OXSR1: variants seen among roughly 807,000 people sequenced by gnomAD.
The protein encoded by OXSR1 is serine/threonine-protein kinase OSR1.
A neutral mutation model predicts 79.8 loss-of-function variants in OXSR1; 24 were observed. The ratio of observed to expected loss-of-function variants is 0.30; its 90% CI spans 0.22 to 0.42. The LOEUF is 0.42. Ranked by LOEUF, OXSR1 falls within the 10% of genes least tolerant of loss-of-function variation. The pLI is 1.00. For missense variants in OXSR1, 430 were observed against 618.4 expected (o/e 0.70, Z 3.23); for synonymous variants, 226 against 209.2 (o/e 1.08, Z -0.69).
At chr3:38,169,762 A>G (rs1320030194) in intron 1 of OXSR1, among the ~76,000 whole-genome samples, 2 of 150,130 alleles carry the variant, frequency 1.3e-5, no homozygotes, top group Non-Finnish European at 3.0e-5. Flanking sequence ...TTTTTGAGAC[A>G]GTCTTACTCT....
At chr3:38,210,182 T>A (rs183311793) in intron 4 of OXSR1, among the ~76,000 whole-genome samples, 1 of 152,194 alleles carries the variant, frequency 6.6e-6, no homozygotes, top group Admixed American at 6.5e-5. Context: ...TCCTCTGACA[T>A]CTATCAATAT....
chr3:38,230,265 C>T, intron 9 of OXSR1, 100 bp from the exon 10 acceptor site: 1 of 749,096 alleles, frequency 1.3e-6, no homozygotes, highest in South Asian at 1.5e-5. Flanking sequence ...CATTACAGAA[C>T]AGTTACTATA....
intron 17 of OXSR1, among the ~76,000 whole-genome samples, 172 bp from the exon 18 acceptor site, chr3:38,252,645 T>G (rs1390841255): frequency 6.6e-6 from 1 of 152,172 alleles, no homozygotes; most frequent in Admixed American, 6.5e-5. Flanking sequence ...TGACTCTAGC[T>G]GTTTACCCAG....
At chr3:38,218,891 G>T (rs998774508) in intron 5 of OXSR1, among the ~76,000 whole-genome samples, 1 of 152,060 alleles carries the variant, frequency 6.6e-6, no homozygotes, top group Non-Finnish European at 1.5e-5. Flanking sequence ...TGCACAAAGG[G>T]GGGGACCTTG....
intron 1 of OXSR1, among the ~76,000 whole-genome samples, chr3:38,177,641 G>A (rs1701698653): frequency 6.6e-6 from 1 of 152,020 alleles, no homozygotes; most frequent in Non-Finnish European, 1.5e-5. Flanking sequence ...CTGGAGTGCA[G>A]TGGTGTGAAC....
At chr3:38,180,525 CTTTTTTT>C (rs35081111) in intron 1 of OXSR1, among the ~76,000 whole-genome samples, 58 of 108,960 alleles carry the variant, frequency 5.3e-4, no homozygotes, top group Middle Eastern at 6.8e-3. Flanking sequence ...ATAGCTCCAA[CTTTTTTT>C]TTTTTTTTTT....
At chr3:38,207,303 A>G (rs1383972590) in intron 4 of OXSR1, among the ~76,000 whole-genome samples, 2 of 152,238 alleles carry the variant, frequency 1.3e-5, no homozygotes, top group Non-Finnish European at 2.9e-5. Flanking sequence ...TCTTTCACAT[A>G]ATAGTCTGGG....
At chr3:38,183,786 A>G (rs908008828) in intron 2 of OXSR1, among the ~76,000 whole-genome samples, 5 of 152,234 alleles carry the variant, frequency 3.3e-5, no homozygotes, top group East Asian at 1.9e-4. Context: ...AAATGTAACC[A>G]TACAGGGATT....
chr3:38,212,924 C>G (rs1023663143), intron 4 of OXSR1, among the ~76,000 whole-genome samples: 1 of 152,134 alleles, frequency 6.6e-6, no homozygotes, highest in South Asian at 2.1e-4. Context: ...TGAGGGCAGA[C>G]TGTGGTGTTT....
intron 2 of OXSR1, among the ~76,000 whole-genome samples, chr3:38,188,455 A>G (rs2125812662): frequency 6.6e-6 from 1 of 152,306 alleles, no homozygotes; most frequent in East Asian, 1.9e-4. Flanking sequence ...GCTAATATTA[A>G]TATAACTGTA....
At chr3:38,166,367 T>G (rs1193639730) in intron 1 of OXSR1, among the ~76,000 whole-genome samples, 1 of 152,070 alleles carries the variant, frequency 6.6e-6, no homozygotes, top group Non-Finnish European at 1.5e-5. Context: ...TTTTCCTCCA[T>G]CCGTGCTGGG....
Position 38,254,056 on chromosome 3 carries a change from A to G in OXSR1, c.*1165A>G. 3 of 397,248 alleles carry G rather than the reference A, an allele frequency of 7.6e-6. No homozygotes were observed. The highest frequency in any genetic ancestry group is 8.9e-6 in the Non-Finnish European group (2 of 225,334). The allele number at this position is 397,248 out of a possible 1,614,324, so 24.6% of individuals were successfully genotyped here. ...AGAGCACTCATAATGCAATATGTGA[A>G]TAATCAGTGAGGTTGATTTTTCTTT... On this transcript the variant is annotated 3_prime_UTR_variant, in exon 18 of 18. Transcript: ENST00000311806.
At chr3:38,173,634 G>A (rs1406245372) in intron 1 of OXSR1, among the ~76,000 whole-genome samples, 2 of 152,230 alleles carry the variant, frequency 1.3e-5, no homozygotes, top group African/African-American at 2.4e-5. Context: ...TGATGGTAAC[G>A]ATGAAATAAC....
In OXSR1 at chr3:38,249,996, A is replaced by C. The variant is rs749062589; in HGVS notation, c.1353A>C (p.Arg451=). 6.9e-6 allele frequency: 11 copies of C among 1,594,382 alleles called. 1 individual carries two copies. The South Asian group carries it at 1.0e-4, about 15-fold the overall frequency. ...RNSKKELNDI[R]FEFTPGRDTA... is the part of the protein sequence containing the mutation. ...CCAAAAAAGAACTAAATGATATTCG[A>C]TTTGAATTTACTCCTGGGAGAGGTG... Residue 451 remains arginine (R), a synonymous_variant, in exon 15 of 18, where the codon CGA becomes CGC. Transcript: ENST00000311806.
chr3:38,219,995 T>TG (rs952293425), intron 5 of OXSR1, among the ~76,000 whole-genome samples: 3 of 152,062 alleles, frequency 2.0e-5, no homozygotes, highest in African/African-American at 4.8e-5. Flanking sequence ...TTTGTACAGA[T>TG]GGGGTCTCAC....
chr3:38,178,621 T>TATATATATATATATA (rs1491123706), intron 1 of OXSR1, among the ~76,000 whole-genome samples: 7 of 65,778 alleles, frequency 1.1e-4, no homozygotes, highest in African/African-American at 4.8e-4. Flanking sequence ...TATATATATA[T>TATATATATATATATA]TTTTTTTTTT....
chr3:38,166,071 T>TG (rs1197026359), intron 1 of OXSR1, 125 bp downstream of exon 1: 1 of 753,422 alleles, frequency 1.3e-6, no homozygotes, highest in Non-Finnish European at 2.1e-6. Flanking sequence ...CTTGTGGGGC[T>TG]GGGGGCTTGT....
intron 1 of OXSR1, among the ~76,000 whole-genome samples, chr3:38,179,128 T>G (rs1001327212): frequency 6.7e-6 from 1 of 148,968 alleles, no homozygotes; most frequent in Non-Finnish European, 1.5e-5. Flanking sequence ...CCTCCCAGGC[T>G]CAAGCGATCC....
In OXSR1 at chr3:38,223,679, A is replaced by T. The variant is rs1043568525; in HGVS notation, c.601-133A>T. On this transcript the variant is annotated intron_variant, in intron 6 of 17. Transcript: ENST00000311806. ...TGGTCAGGCCGGTCTTGAACTCCCAACCTCAGGTGATTCGCCTGCCTCAGC... is the reference window on the plus strand; with the variant it reads ...TGGTCAGGCCGGTCTTGAACTCCCATCCTCAGGTGATTCGCCTGCCTCAGC... The T allele has an allele frequency of 9.7e-6, 5 of 516,860 alleles. No individual in the cohort carries two copies. In the Admixed American group the frequency reaches 1.5e-4, roughly 15 times the overall value. 32.0% of individuals were successfully genotyped at this position (516,860 alleles called of 1,614,324 possible). A position where few individuals can be genotyped will look rare whatever the true frequency, so the allele number is the denominator to read the frequency against.
Sources: gnomAD v4.1 joint callset for allele counts (sites outside exome capture counted in the v4.1 genomes callset) on GRCh38, gnomAD v4.1.1 for gene constraint, MANE v1.5 for transcripts, NCBI Gene and HGNC (gene_info 2026-07-23, HGNC 2026-07-21) for gene names.